GTF2IRD2B: variants seen among roughly 807,000 people sequenced by gnomAD.
The protein encoded by GTF2IRD2B is GTF2I repeat domain containing 2B.
GTF2IRD2B carries 10 observed loss-of-function variants against 55.6 expected under a neutral mutation model. That is an observed-to-expected ratio of 0.18 (90% CI 0.11 to 0.31). The LOEUF (loss-of-function observed/expected upper bound fraction) is 0.31, where lower values mean the gene tolerates loss of function less well. Among genes scored for constraint, GTF2IRD2B ranks in the 10% least tolerant of loss-of-function variants. GTF2IRD2B has a pLI of 1.00. For missense variants in GTF2IRD2B, 206 were observed against 802.7 expected, an observed-to-expected ratio of 0.26 and a Z score of 8.98; for synonymous variants, 107 against 320.5, an observed-to-expected ratio of 0.33 and a Z score of 7.12.
chr7:75,138,702 T>C (rs1554534243), intron 11 of GTF2IRD2B, among the ~76,000 whole-genome samples: 2 of 119,388 alleles, frequency 1.7e-5, no homozygotes, highest in African/African-American at 7.4e-5. Context: ...GGTGCATGTC[T>C]GTGGTCCCAG....
chr7:75,136,099 C>T (rs1371822935), intron 10 of GTF2IRD2B, among the ~76,000 whole-genome samples: 3 of 106,442 alleles, frequency 2.8e-5, no homozygotes, highest in Non-Finnish European at 5.4e-5. Context: ...CGAAATCGCA[C>T]CATTCCACTC....
chr7:75,124,009 C>A (rs367782735), intron 6 of GTF2IRD2B: 20 of 169,046 alleles, frequency 1.2e-4, no homozygotes, highest in African/African-American at 2.4e-4. Context: ...GTATCCCCCC[C>A]CCTTTTTTTT....
intron 1 of GTF2IRD2B, among the ~76,000 whole-genome samples, chr7:75,102,028 A>C (rs1206999560): frequency 6.6e-6 from 1 of 151,170 alleles, no homozygotes; most frequent in Non-Finnish European, 1.5e-5. Flanking sequence ...TGTGAGACGG[A>C]GTCTCACTCT....
At chr7:75,127,217 G>A (rs1356835903) in intron 8 of GTF2IRD2B, among the ~76,000 whole-genome samples, 4 of 151,318 alleles carry the variant, frequency 2.6e-5, no homozygotes, top group Non-Finnish European at 4.4e-5. Flanking sequence ...GGGGGCTCAC[G>A]ACTGTAACTC....
rs1808619195 is a variant in GTF2IRD2B, at chr7:75,130,098, T to TTTCTTTCTTTCTTTCG, written c.671-3022_671-3021insGTTCTTTCTTTCTTTC. On this transcript the variant is annotated intron_variant, in intron 8 of 15. Transcript: ENST00000472837. The stretch of plus-strand genomic sequence containing the variant: ...CTGGTTTTAATTTATTTTCTCTTTC[T>TTTCTTTCTTTCTTTCG]TTCTTTCTTTCTTTCTTTCTTTCTT... Among the ~76,000 whole-genome samples, 3 of 96,684 alleles carry TTTCTTTCTTTCTTTCG rather than the reference T, an allele frequency of 3.1e-5. No homozygotes were observed. The South Asian group carries it at 1.1e-3, about 35-fold the overall frequency. 63.4% of individuals were successfully genotyped at this position (96,684 alleles called of 152,430 possible).
At chr7:75,122,944 G>A (rs1175974135) in intron 4 of GTF2IRD2B, among the ~76,000 whole-genome samples, 192 bp from the exon 5 acceptor site, 54 of 150,114 alleles carry the variant, frequency 3.6e-4, no homozygotes, top group Non-Finnish European at 6.6e-4. Context: ...CAGCTACTCG[G>A]GAGGCTGAGG....
At chr7:75,096,689 G>A (rs1274646011) in intron 1 of GTF2IRD2B, among the ~76,000 whole-genome samples, 1 of 148,458 alleles carries the variant, frequency 6.7e-6, no homozygotes, top group Non-Finnish European at 1.5e-5. Flanking sequence ...GCCTCCCAGA[G>A]TGCTGGGATT....
chr7:75,132,516 C>T (rs587663310), intron 8 of GTF2IRD2B, among the ~76,000 whole-genome samples: 1 of 146,554 alleles, frequency 6.8e-6, no homozygotes, highest in East Asian at 1.9e-4. Flanking sequence ...CCCGCCTTCA[C>T]GATGCCTTCC....
intron 3 of GTF2IRD2B, among the ~76,000 whole-genome samples, chr7:75,115,434 T>TTTG (rs1554451200): frequency 7.7e-5 from 11 of 143,210 alleles, no homozygotes; most frequent in African/African-American, 2.8e-4. Flanking sequence ...TTTTATTTTT[T>TTTG]TTTTTTTGAG....
chr7:75,106,290 C>T (rs1329488190), intron 1 of GTF2IRD2B, among the ~76,000 whole-genome samples: 2 of 152,276 alleles, frequency 1.3e-5, no homozygotes, highest in Non-Finnish European at 2.9e-5. Flanking sequence ...GTAATCCCAG[C>T]TACTTGGGAG....
At position 75,116,478 on chromosome 7, in the gene GTF2IRD2B, T is replaced by C. The variant is rs1233178761; in HGVS notation, c.238+3943T>C. 3.3e-5 allele frequency among the ~76,000 whole-genome samples: 5 copies of C among 151,774 alleles called. No individual in the cohort carries two copies. In the South Asian group the frequency reaches 6.2e-4, roughly 19 times the overall value. On this transcript the variant is annotated intron_variant, in intron 3 of 15. Coordinates refer to ENST00000472837, the MANE Select transcript of GTF2IRD2B (RefSeq NM_001003795.3). ...AGATTTTTGTGTGGAATTTTTAGGA[T>C]TTTCTACATACAAAATCATGTATCA...
intron 8 of GTF2IRD2B, among the ~76,000 whole-genome samples, chr7:75,126,720 C>T (rs1324785629): frequency 2.8e-5 from 4 of 140,750 alleles, no homozygotes; most frequent in Non-Finnish European, 6.2e-5. Context: ...AACAAGGCTG[C>T]GCACGGTGGA....
At chr7:75,096,581 G>A (rs1226181327) in intron 1 of GTF2IRD2B, among the ~76,000 whole-genome samples, 7 of 101,194 alleles carry the variant, frequency 6.9e-5, no homozygotes, top group African/African-American at 3.6e-4. Flanking sequence ...CCACCACCAC[G>A]CCTGTCCTTT....
At position 75,127,565 on chromosome 7, in the gene GTF2IRD2B, A is replaced by G. The variant is rs1485009726; in HGVS notation, c.670+1180A>G. On this transcript the variant is annotated intron_variant, in intron 8 of 15. Coordinates refer to ENST00000472837, the MANE Select transcript of GTF2IRD2B (RefSeq NM_001003795.3). ...GACTAAGATGTTATTAAATACACAT[A>G]CTTTTGGACAGAATATTATTTTATT... 1.5e-4 allele frequency among the ~76,000 whole-genome samples: 22 copies of G among 149,168 alleles called. No individual in the cohort carries two copies. The Middle Eastern group carries it at 0.01, about 70-fold the overall frequency.
intron 1 of GTF2IRD2B, among the ~76,000 whole-genome samples, chr7:75,096,884 A>G (rs1382779350): frequency 5.1e-5 from 6 of 116,772 alleles, no homozygotes; most frequent in Non-Finnish European, 1.0e-4. Flanking sequence ...CACGCCTATA[A>G]TCCCAGCACT....
At chr7:75,117,847 C>A (rs1483321770) in intron 3 of GTF2IRD2B, among the ~76,000 whole-genome samples, 18 of 152,266 alleles carry the variant, frequency 1.2e-4, no homozygotes, top group Non-Finnish European at 1.9e-4. Context: ...CTCTGGTAGG[C>A]TGAGGCTGGC....
chr7:75,121,928 CTTTTTTTGTA>C (rs1584537760), intron 4 of GTF2IRD2B, among the ~76,000 whole-genome samples: 1 of 135,256 alleles, frequency 7.4e-6, no homozygotes, highest in East Asian at 2.1e-4. Flanking sequence ...GCCCGGCTAA[CTTTTTTTGTA>C]TTTTTTGGTA....
chr7:75,118,989 T>C (rs587603550), intron 3 of GTF2IRD2B, among the ~76,000 whole-genome samples: 1 of 122,670 alleles, frequency 8.2e-6, no homozygotes, highest in South Asian at 2.8e-4. Flanking sequence ...AGATCAGTAG[T>C]TCTAGACCAG....
chr7:75,122,330 T>G (rs1554452049), intron 4 of GTF2IRD2B, among the ~76,000 whole-genome samples: 1 of 136,776 alleles, frequency 7.3e-6, no homozygotes, highest in Non-Finnish European at 1.5e-5. Context: ...GCATGGTGGC[T>G]TGAGCCTGTA....
Sources: gnomAD v4.1 joint callset for allele counts (sites outside exome capture counted in the v4.1 genomes callset) on GRCh38, gnomAD v4.1.1 for gene constraint, MANE v1.5 for transcripts, NCBI Gene and HGNC (gene_info 2026-07-23, HGNC 2026-07-21) for gene names.